PTPRM: variants seen among roughly 807,000 people sequenced by gnomAD.
PTPRM encodes the protein protein tyrosine phosphatase receptor type M.
PTPRM carries 47 observed loss-of-function variants against 186.7 expected under a neutral mutation model. The observed-to-expected ratio is 0.25, with a 90% confidence interval of 0.20 to 0.32. PTPRM has a LOEUF of 0.32. PTPRM is among the 10% of genes least tolerant of loss of function. The pLI is 1.00. For synonymous variants in PTPRM, 668 were observed against 674.9 expected (o/e 0.99, Z 0.16); for missense variants, 1,494 against 1,865.0 (o/e 0.80, Z 3.66).
intron 7 of PTPRM, among the ~76,000 whole-genome samples, chr18:7,975,608 G>A (rs924363224): frequency 1.2e-4 from 18 of 152,154 alleles, no homozygotes; most frequent in Non-Finnish European, 1.5e-5. Flanking sequence ...TTATAACGGA[G>A]CTGAAAATCA....
At chr18:8,035,475 C>T (rs187320044) in intron 7 of PTPRM, among the ~76,000 whole-genome samples, 178 of 152,272 alleles carry the variant, frequency 1.2e-3, no homozygotes, top group African/African-American at 4.0e-3. Context: ...CTCCCATAGC[C>T]TTTAAGCCAT....
At chr18:8,181,293 GTAA>G (rs2093570741) in intron 14 of PTPRM, among the ~76,000 whole-genome samples, 1 of 152,130 alleles carries the variant, frequency 6.6e-6, no homozygotes, top group African/African-American at 2.4e-5. Flanking sequence ...TTTATTTTGG[GTAA>G]TGTTGGTTAA....
chr18:7,929,999 GA>G (rs2146838452), intron 5 of PTPRM, among the ~76,000 whole-genome samples: 1 of 152,288 alleles, frequency 6.6e-6, no homozygotes, highest in Admixed American at 6.5e-5. Flanking sequence ...TCTCTCTCAA[GA>G]GTGAGTCAAT....
At chr18:7,617,262 G>C (rs1254799287) in intron 1 of PTPRM, among the ~76,000 whole-genome samples, 1 of 152,130 alleles carries the variant, frequency 6.6e-6, no homozygotes, top group East Asian at 1.9e-4. Flanking sequence ...GGGACATTTG[G>C]GAAGCTTGAA....
At chr18:7,929,231 A>G (rs2051343509) in intron 5 of PTPRM, among the ~76,000 whole-genome samples, 1 of 152,060 alleles carries the variant, frequency 6.6e-6, no homozygotes, top group Non-Finnish European at 1.5e-5. Flanking sequence ...ATAACATATA[A>G]CTGGTACCTG....
intron 9 of PTPRM, among the ~76,000 whole-genome samples, chr18:8,077,740 G>A (rs1054898353): frequency 2.8e-4 from 42 of 152,180 alleles, no homozygotes; most frequent in African/African-American, 1.0e-3. Flanking sequence ...TTTAAACTAG[G>A]AAACATGCAA....
intron 1 of PTPRM, among the ~76,000 whole-genome samples, chr18:7,703,534 C>G (rs887206279): frequency 6.6e-6 from 1 of 152,186 alleles, no homozygotes; most frequent in Non-Finnish European, 1.5e-5. Context: ...TATCTTGAGA[C>G]TTTGCTGAAG....
At chr18:8,312,639 A>G (rs2095278104) in intron 20 of PTPRM, among the ~76,000 whole-genome samples, 1 of 152,060 alleles carries the variant, frequency 6.6e-6, no homozygotes, top group Non-Finnish European at 1.5e-5. Context: ...TTTTACAGCG[A>G]AGGAAGCACA....
At chr18:8,364,857 A>T (rs1033160528) in intron 23 of PTPRM, 1 of 152,228 alleles carries the variant, frequency 6.6e-6, no homozygotes, top group Non-Finnish European at 1.5e-5. Flanking sequence ...GTCCTTCTTC[A>T]TCATGGGTTT....
At chr18:8,156,594 A>G (rs1600890883) in intron 14 of PTPRM, among the ~76,000 whole-genome samples, 1 of 152,174 alleles carries the variant, frequency 6.6e-6, no homozygotes, top group African/African-American at 2.4e-5. Context: ...AGTCCGTGGG[A>G]GGGCCTAGTC....
chr18:8,199,051 T>A (rs2093817493), intron 14 of PTPRM, among the ~76,000 whole-genome samples: 1 of 152,080 alleles, frequency 6.6e-6, no homozygotes, highest in South Asian at 2.1e-4. Context: ...TCATGCCTGC[T>A]CCATCTCGGC....
chr18:8,208,173 G>A (rs2093955166), intron 14 of PTPRM, among the ~76,000 whole-genome samples: 1 of 152,200 alleles, frequency 6.6e-6, no homozygotes, highest in Non-Finnish European at 1.5e-5. Flanking sequence ...GCTCTCCTGT[G>A]CAGCCACGCC....
At chr18:7,782,285 G>A (rs2042894666) in intron 2 of PTPRM, among the ~76,000 whole-genome samples, 1 of 151,964 alleles carries the variant, frequency 6.6e-6, no homozygotes, top group African/African-American at 2.4e-5. Flanking sequence ...CTTCCCATGA[G>A]GGAGATGCTG....
intron 5 of PTPRM, among the ~76,000 whole-genome samples, chr18:7,929,934 T>C (rs1443238940): frequency 6.6e-6 from 1 of 152,234 alleles, no homozygotes; most frequent in East Asian, 1.9e-4. Context: ...AATCCTGAGA[T>C]CCAGGCAGAA....
intron 2 of PTPRM, among the ~76,000 whole-genome samples, chr18:7,861,606 A>G (rs567224088): frequency 1.3e-5 from 2 of 152,222 alleles, no homozygotes; most frequent in Non-Finnish European, 2.9e-5. Context: ...AGCTTCTGTT[A>G]GGAGGTTTCT....
intron 1 of PTPRM, among the ~76,000 whole-genome samples, chr18:7,692,510 G>A (rs1273516935): frequency 6.6e-6 from 1 of 152,202 alleles, no homozygotes; most frequent in Non-Finnish European, 1.5e-5. Flanking sequence ...GTGGATAGCA[G>A]AACATTTTAA....
rs554528879 is a variant in PTPRM at position 7,746,813 on chromosome 18, T to A, written c.74-27336T>A. Among the ~76,000 whole-genome samples, 8 of 152,274 alleles carry A rather than the reference T, an allele frequency of 5.3e-5. No individual in the cohort carries two copies. In the South Asian group the frequency reaches 1.2e-3, roughly 24 times the overall value. ...ACAGTAAGACGCTTCCTTTCCACAT[T>A]TCTTTTTACCAGCCACGTGGTGGCT... On this transcript the variant is annotated intron_variant, in intron 1 of 32. Transcript: ENST00000580170.
intron 1 of PTPRM, among the ~76,000 whole-genome samples, chr18:7,747,248 G>A (rs2041014304): frequency 6.6e-6 from 1 of 152,212 alleles, no homozygotes; most frequent in South Asian, 2.1e-4. Flanking sequence ...GCATGGCAGT[G>A]TCCAGGATAC....
intron 14 of PTPRM, among the ~76,000 whole-genome samples, chr18:8,224,759 G>C (rs1391753022): frequency 6.6e-6 from 1 of 152,124 alleles, no homozygotes; most frequent in Admixed American, 6.5e-5. Context: ...TCATCCTGTA[G>C]AATTCCCCCA....
Sources: allele counts gnomAD v4.1 joint callset (sites outside exome capture counted in the v4.1 genomes callset), GRCh38; gene constraint gnomAD v4.1.1; transcripts MANE v1.5; gene names NCBI Gene and HGNC (gene_info 2026-07-23, HGNC 2026-07-21).